OR3A3: variants seen among roughly 807,000 people sequenced by gnomAD.
OR3A3 encodes olfactory receptor 3A3.
For synonymous variants in OR3A3, 103 were observed against 163.9 expected (o/e 0.63, Z 2.84); for missense variants, 275 against 391.4 (o/e 0.70, Z 2.51).
At chr17:3,420,248 C>G (rs1224115449) in intron 2 of OR3A3, among the ~76,000 whole-genome samples, 2 of 152,138 alleles carry the variant, frequency 1.3e-5, no homozygotes, top group African/African-American at 4.8e-5. Context: ...CCCATTTTCC[C>G]CCTTCCGGCA....
At chr17:3,414,983 C>G (rs536697139) in intron 2 of OR3A3, among the ~76,000 whole-genome samples, 1 of 152,240 alleles carries the variant, frequency 6.6e-6, no homozygotes, top group Admixed American at 6.5e-5. Flanking sequence ...ATTACTACCA[C>G]TCTTTGAAAA....
chr17:3,414,886 A>G (rs971366073), intron 2 of OR3A3, among the ~76,000 whole-genome samples: 2 of 150,312 alleles, frequency 1.3e-5, no homozygotes, highest in African/African-American at 2.5e-5. Flanking sequence ...ATCATTCATA[A>G]AAAGTATATT....
At chr17:3,412,067 T>G (rs2072365322) in exon 2 of OR3A3, 1 of 151,996 alleles carries the variant, frequency 6.6e-6, no homozygotes, top group Non-Finnish European at 1.5e-5. Context: ...CTCTCATTTC[T>G]CAGTCATTAG....
chr17:3,415,289 G>A (rs573510345), intron 2 of OR3A3, among the ~76,000 whole-genome samples: 5 of 151,384 alleles, frequency 3.3e-5, no homozygotes, highest in East Asian at 1.9e-4. Flanking sequence ...AGCTGGGCTC[G>A]GTGGCTCACA....
exon 3 of OR3A3, chr17:3,422,309 A>T (rs2072440301): frequency 6.6e-6 from 1 of 152,236 alleles, no homozygotes; most frequent in South Asian, 2.1e-4. Flanking sequence ...ATATACCTTA[A>T]GATCAAAAAG....
intron 2 of OR3A3, among the ~76,000 whole-genome samples, chr17:3,416,750 T>C (rs1028352719): frequency 6.6e-6 from 1 of 151,928 alleles, no homozygotes; most frequent in African/African-American, 2.4e-5. Flanking sequence ...GTGATGTGTG[T>C]ATATATATAT....
exon 3 of OR3A3, chr17:3,421,539 G>A: frequency 6.6e-7 from 1 of 1,518,570 alleles, no homozygotes; most frequent in Admixed American, 2.2e-5. Flanking sequence ...CCTGAGAGAT[G>A]ACCTCCTTTC....
chr17:3,413,829 A>C (rs558182733), intron 2 of OR3A3, among the ~76,000 whole-genome samples: 20 of 118,614 alleles, frequency 1.7e-4, no homozygotes, highest in African/African-American at 4.3e-4. Flanking sequence ...TCAAAAAAAA[A>C]CAAAAAAACA....
At chr17:3,414,346 C>G (rs1387370053) in intron 2 of OR3A3, among the ~76,000 whole-genome samples, 1 of 152,198 alleles carries the variant, frequency 6.6e-6, no homozygotes, top group African/African-American at 2.4e-5. Flanking sequence ...GCTGGGATGA[C>G]AGGCGTGAGC....
chr17:3,419,072 T>C (rs1166732306), intron 2 of OR3A3, among the ~76,000 whole-genome samples: 1 of 152,180 alleles, frequency 6.6e-6, no homozygotes. Context: ...TAGCTGACAA[T>C]GTACACAGAA....
chr17:3,421,393 T>C (rs1048147013), exon 3 of OR3A3: 2 of 1,614,014 alleles, frequency 1.2e-6, no homozygotes, highest in Non-Finnish European at 1.7e-6. Context: ...TTCAGTGGAA[T>C]CTTCAGACAA....
intron 1 of OR3A3, among the ~76,000 whole-genome samples, 193 bp from the exon 2 acceptor site, chr17:3,411,785 C>T (rs2072363661): frequency 1.3e-5 from 2 of 152,238 alleles, no homozygotes; most frequent in South Asian, 4.1e-4. Context: ...GTCCTGTAGG[C>T]CTCAGTGACC....
rs202196530 is a variant in OR3A3 at position 3,421,109 on chromosome 17, A to G, written c.524A>G (p.Asn175Ser). ...TCCACGCTCAACTTCTGTGGCCCCA[A>G]TGAGGTCAATCACTTCTACTGTGAC... Residue 175 changes from asparagine to serine, a missense_variant, in exon 3 of 3, where the codon AAT becomes AGT. Physicochemically the swap from Asn to Ser is conservative, Grantham distance 46 (BLOSUM62 1). Transcript: ENST00000641141. 704 of 1,614,048 alleles carry G rather than the reference A, an allele frequency of 4.4e-4. No individual in the cohort carries two copies. The highest frequency in any genetic ancestry group is 1.5e-3 in the Middle Eastern group (9 of 6,062).
chr17:3,413,709 A>AG (rs1380469668), intron 2 of OR3A3, among the ~76,000 whole-genome samples: 3 of 151,952 alleles, frequency 2.0e-5, no homozygotes, highest in African/African-American at 7.3e-5. Flanking sequence ...GCTGCTCGGG[A>AG]GGCTGAGGCA....
exon 3 of OR3A3, chr17:3,423,083 G>A (rs932733784): frequency 6.6e-6 from 1 of 152,126 alleles, no homozygotes; most frequent in African/African-American, 2.4e-5. Context: ...CACGGACACG[G>A]GTTGTAATCA....
exon 1 of OR3A3, chr17:3,411,406 A>G (rs1245933324): frequency 6.6e-6 from 1 of 152,536 alleles, no homozygotes; most frequent in Admixed American, 6.5e-5. Flanking sequence ...TCTCTGCTCA[A>G]ATGCCCTGGT....
At chr17:3,421,295 G>A (rs2072432965) in exon 3 of OR3A3, 1 of 1,614,090 alleles carries the variant, frequency 6.2e-7, no homozygotes, top group Non-Finnish European at 8.5e-7. Context: ...GCTGAGGGCA[G>A]AAAGAAGGCC....
intron 2 of OR3A3, among the ~76,000 whole-genome samples, chr17:3,417,766 T>C (rs2072400953): frequency 6.6e-6 from 1 of 152,208 alleles, no homozygotes; most frequent in Admixed American, 6.5e-5. Flanking sequence ...AAATTTAAGA[T>C]AAGCATCTTC....
intron 2 of OR3A3, among the ~76,000 whole-genome samples, chr17:3,416,402 A>G (rs1428831315): frequency 6.6e-6 from 1 of 151,776 alleles, no homozygotes; most frequent in Non-Finnish European, 1.5e-5. Context: ...TATTTTCTTT[A>G]CTTTAACATA....
Sources: allele counts gnomAD v4.1 joint callset (sites outside exome capture counted in the v4.1 genomes callset), GRCh38; gene constraint gnomAD v4.1.1; transcripts MANE v1.5; gene names NCBI Gene and HGNC (gene_info 2026-07-23, HGNC 2026-07-21).